UHRF2: variants seen among roughly 807,000 people sequenced by gnomAD.
UHRF2 encodes E3 ubiquitin-protein ligase UHRF2.
In UHRF2, 23 loss-of-function variants were observed where a neutral mutation model predicts 96.8. That is an observed-to-expected ratio of 0.24 (90% CI 0.17 to 0.34). The LOEUF is 0.34. Ranked by LOEUF, UHRF2 falls within the 10% of genes least tolerant of loss-of-function variation. The pLI is 1.00. For missense variants in UHRF2, 685 were observed against 981.5 expected, an observed-to-expected ratio of 0.70 and a Z score of 4.04; for synonymous variants, 385 against 332.6, an observed-to-expected ratio of 1.16 and a Z score of -1.72.
In UHRF2 at chr9:6,461,847, C is replaced by A. The variant is rs118104905; in HGVS notation, c.863+1056C>A. 1.9e-3 allele frequency among the ~76,000 whole-genome samples: 285 copies of A among 152,134 alleles called. 8 individuals are homozygous for A. In the East Asian group the frequency reaches 0.047, roughly 25 times the overall value. On this transcript the variant is annotated intron_variant, in intron 4 of 15. Coordinates refer to ENST00000276893, the MANE Select transcript of UHRF2 (RefSeq NM_152896.3). ...TAATTTCCTTTTTAATAAATAAAATCTGTTAATCATTTCCAGTTCTTTATT... is the reference window on the plus strand; with the variant it reads ...TAATTTCCTTTTTAATAAATAAAATATGTTAATCATTTCCAGTTCTTTATT...
intron 5 of UHRF2, among the ~76,000 whole-genome samples, chr9:6,476,595 G>GT (rs747513162): frequency 6.6e-6 from 1 of 151,886 alleles, no homozygotes; most frequent in Admixed American, 6.6e-5. Context: ...TTTTTTGTTT[G>GT]TTTTTTGTTT....
intron 3 of UHRF2, among the ~76,000 whole-genome samples, chr9:6,445,130 T>TAA (rs34294660): frequency 0.52 from 58,784 of 113,936 alleles, 16,114 homozygotes; most frequent in Non-Finnish European, 0.6. Context: ...ATCTCTTATT[T>TAA]AAAAAAAAAA....
intron 9 of UHRF2, among the ~76,000 whole-genome samples, chr9:6,488,588 C>T (rs1411856265): frequency 1.5e-5 from 2 of 136,336 alleles, no homozygotes; most frequent in Non-Finnish European, 3.0e-5. Context: ...GCCCTTGTCG[C>T]CCAGCTTGGA....
At chr9:6,455,021 G>GT (rs1283554158) in intron 3 of UHRF2, among the ~76,000 whole-genome samples, 1 of 152,212 alleles carries the variant, frequency 6.6e-6, no homozygotes, top group Non-Finnish European at 1.5e-5. Flanking sequence ...AACCACTGCT[G>GT]TAGTAGCCTG....
rs756617514 is a variant in UHRF2, at chr9:6,433,970, C to T, written c.441C>T (p.His147=). Residue 147 remains histidine, a synonymous_variant, in exon 3 of 16, where the codon CAC becomes CAT. Transcript: ENST00000276893. ...DVGLGAWFEA[H]IHSVTRASDG... The stretch of plus-strand genomic sequence containing the variant: ...GCCTTGGTGCTTGGTTTGAAGCACA[C>T]ATACATAGTGTTACTAGAGCTTCTG... 9 of 1,613,950 alleles carry T rather than the reference C, an allele frequency of 5.6e-6. No individual in the cohort carries two copies. The highest frequency in any genetic ancestry group is 2.7e-5 in the African/African-American group (2 of 74,932).
intron 2 of UHRF2, among the ~76,000 whole-genome samples, chr9:6,425,622 G>A (rs1820211806): frequency 6.6e-6 from 1 of 152,062 alleles, no homozygotes; most frequent in Admixed American, 6.6e-5. Flanking sequence ...AATTAGCTGG[G>A]CGTTGTGGCA....
intron 2 of UHRF2, among the ~76,000 whole-genome samples, chr9:6,424,719 C>T (rs574208994): frequency 6.7e-6 from 1 of 149,886 alleles, no homozygotes; most frequent in South Asian, 2.1e-4. Context: ...CACTAGGATA[C>T]TATACTGTGT....
intron 3 of UHRF2, among the ~76,000 whole-genome samples, chr9:6,452,254 G>C (rs1333739054): frequency 1.3e-5 from 2 of 152,116 alleles, no homozygotes; most frequent in Admixed American, 6.5e-5. Context: ...GCTATAAATA[G>C]CCTTGTGTAT....
At chr9:6,427,340 C>G (rs1820316559) in intron 2 of UHRF2, among the ~76,000 whole-genome samples, 1 of 152,054 alleles carries the variant, frequency 6.6e-6, no homozygotes. Flanking sequence ...GATGAATTTT[C>G]AAATTAACTT....
chr9:6,460,553 A>G lies in UHRF2; in HGVS notation c.645-20A>G, dbSNP rs747303878. The stretch of plus-strand genomic sequence containing the variant: ...GTTGTCTTTGGTAATCATAAGCCAT[A>G]TGGTTTTCTCTCTCCTCAGATACCC... On this transcript the variant is annotated intron_variant, in intron 3 of 15. Transcript: ENST00000276893. The G allele has an allele frequency of 1.9e-6, 3 of 1,575,928 alleles. No homozygotes were observed. The highest frequency in any genetic ancestry group is 1.1e-5 in the South Asian group (1 of 87,372).
At chr9:6,417,686 G>C (rs191716122) in intron 1 of UHRF2, among the ~76,000 whole-genome samples, 3 of 152,178 alleles carry the variant, frequency 2.0e-5, no homozygotes, top group African/African-American at 4.8e-5. Flanking sequence ...GGTTTAAAAA[G>C]CCTGTCATAG....
At chr9:6,474,731 A>G (rs1008218857) in intron 4 of UHRF2, among the ~76,000 whole-genome samples, 4 of 152,164 alleles carry the variant, frequency 2.6e-5, no homozygotes, top group African/African-American at 7.2e-5. Flanking sequence ...AAACAAATAA[A>G]TAAATGGAGA....
chr9:6,453,336 A>G (rs1176276046), intron 3 of UHRF2, among the ~76,000 whole-genome samples: 1 of 152,198 alleles, frequency 6.6e-6, no homozygotes, highest in Non-Finnish European at 1.5e-5. Flanking sequence ...TTTGCCACTG[A>G]AATATGCTTT....
intron 3 of UHRF2, among the ~76,000 whole-genome samples, chr9:6,445,980 C>CT (rs1563762266): frequency 1.1e-5 from 1 of 89,374 alleles, no homozygotes; most frequent in East Asian, 6.0e-4. Context: ...CCCCCGCCAC[C>CT]CTTTTTTTTT....
At chr9:6,422,676 C>A in intron 2 of UHRF2, 1 of 639,638 alleles carries the variant, frequency 1.6e-6, no homozygotes, top group South Asian at 1.8e-5. Context: ...GTGACGTGAA[C>A]ACGGCTCGCT....
chr9:6,423,434 T>C (rs982525282), intron 2 of UHRF2, among the ~76,000 whole-genome samples: 17 of 152,196 alleles, frequency 1.1e-4, no homozygotes, highest in African/African-American at 3.4e-4. Context: ...TATGGCTGTA[T>C]TTGCTGATTT....
At chr9:6,430,057 C>G (rs755901040) in intron 2 of UHRF2, among the ~76,000 whole-genome samples, 5 of 152,160 alleles carry the variant, frequency 3.3e-5, no homozygotes, top group Non-Finnish European at 5.9e-5. Flanking sequence ...TCTTTTTGCC[C>G]TGAAGTGCAA....
Position 6,506,223 on chromosome 9 carries a change from A to T in UHRF2, c.*44A>T. ...GTTGTTCATGGTGGCTTTTTGGACA[A>T]TAAAGAATCTAAAATGGGTGGGGAG... On this transcript the variant is annotated 3_prime_UTR_variant, in exon 16 of 16. Transcript: ENST00000276893. 1 of 1,605,782 alleles carries T rather than the reference A, an allele frequency of 6.2e-7. No individual in the cohort carries two copies. Among genetic ancestry groups the T allele is most frequent in the Non-Finnish European group, 8.5e-7 (1 of 1,174,918 alleles).
chr9:6,467,162 G>C (rs1003960361), intron 4 of UHRF2, among the ~76,000 whole-genome samples: 1 of 152,150 alleles, frequency 6.6e-6, no homozygotes, highest in Non-Finnish European at 1.5e-5. Context: ...CAGTTTTGTA[G>C]ACTCTAAGGG....
Sources: allele counts gnomAD v4.1 joint callset (sites outside exome capture counted in the v4.1 genomes callset), GRCh38; gene constraint gnomAD v4.1.1; transcripts MANE v1.5; gene names NCBI Gene and HGNC (gene_info 2026-07-23, HGNC 2026-07-21).